Variants in EBPL observed in about 807,000 individuals in gnomAD.
The protein encoded by EBPL is EBP like.
In EBPL, 20 loss-of-function variants were observed where a neutral mutation model predicts 19.0. The ratio of observed to expected loss-of-function variants is 1.05; its 90% CI spans 0.74 to 1.53. EBPL has a LOEUF of 1.53. EBPL is among the 40% of genes most tolerant of loss of function. The probability of loss-of-function intolerance (pLI) is 0.00; values close to 1 mark genes in which losing one functional copy is unlikely to be tolerated. For synonymous variants in EBPL, 107 were observed against 117.0 expected, an observed-to-expected ratio of 0.91 and a Z score of 0.55; for missense variants, 219 against 261.1, an observed-to-expected ratio of 0.84 and a Z score of 1.11.
At chr13:49,683,516 G>A (rs1051338244) in intron 1 of EBPL, among the ~76,000 whole-genome samples, 6 of 150,808 alleles carry the variant, frequency 4.0e-5, no homozygotes, top group Admixed American at 6.6e-5. Context: ...ACCAGAGAGC[G>A]AGACTCTGTC....
rs145953849 is a variant in EBPL at position 49,676,973 on chromosome 13, G to A, written c.172-7127C>T. Among the ~76,000 whole-genome samples, 351 of 152,172 alleles carry A rather than the reference G, an allele frequency of 2.3e-3. 1 individual carries two copies. The highest frequency in any genetic ancestry group is 7.9e-3 in the African/African-American group (329 of 41,516). On this transcript the variant is annotated intron_variant, in intron 1 of 3. Transcript: ENST00000242827. ...GAGGTGTGACTTGCAAAAGTCCTTT[G>A]TTGAAACATTCAGTATATTAAAAAA... is the stretch of plus-strand genomic sequence containing the variant.
chr13:49,663,430 A>G (rs1965178043), intron 2 of EBPL, among the ~76,000 whole-genome samples: 1 of 152,204 alleles, frequency 6.6e-6, no homozygotes. Context: ...TTCAGTTTCC[A>G]GCATGCTTTC....
chr13:49,678,965 TCG>T (rs1487106226), intron 1 of EBPL, among the ~76,000 whole-genome samples: 1 of 142,760 alleles, frequency 7.0e-6, no homozygotes, highest in Admixed American at 7.2e-5. Context: ...TGAGTCAAGA[TCG>T]TGTGTGTCTG....
At chr13:49,686,535 T>G in intron 1 of EBPL, 1 of 1,289,756 alleles carries the variant, frequency 7.8e-7, no homozygotes, top group South Asian at 1.2e-5. Flanking sequence ...TTCTTGAAAT[T>G]CCATTCTGTG....
At chr13:49,690,131 C>T (rs1954044471) in intron 1 of EBPL, among the ~76,000 whole-genome samples, 1 of 129,726 alleles carries the variant, frequency 7.7e-6, no homozygotes, top group Non-Finnish European at 1.6e-5. Context: ...GCCTGGGCAA[C>T]AGTGTTAGAC....
At chr13:49,685,605 T>C (rs1339112185) in intron 1 of EBPL, among the ~76,000 whole-genome samples, 2 of 152,198 alleles carry the variant, frequency 1.3e-5, no homozygotes, top group Non-Finnish European at 2.9e-5. Context: ...CTGGTCATGG[T>C]GGCTCACGCC....
intron 1 of EBPL, among the ~76,000 whole-genome samples, chr13:49,676,545 T>C (rs961519920): frequency 5.3e-5 from 8 of 151,948 alleles, no homozygotes; most frequent in African/African-American, 1.9e-4. Context: ...TGAGCCCAGA[T>C]CATACCACTG....
At chr13:49,663,297 C>T (rs1273424632) in intron 2 of EBPL, 102 bp from the exon 3 acceptor site, 37 of 1,430,268 alleles carry the variant, frequency 2.6e-5, no homozygotes, top group Admixed American at 3.6e-5. Context: ...AATGAGTAAT[C>T]GCCACTCTCT....
At position 49,679,384 on chromosome 13, in the gene EBPL, G is replaced by T. The variant is rs547541852; in HGVS notation, c.172-9538C>A. On this transcript the variant is annotated intron_variant, in intron 1 of 3. Coordinates refer to ENST00000242827, the MANE Select transcript of EBPL (RefSeq NM_032565.5). ...ACAAGCACTGAGGATCTAAGGATCAGATGAAAGGTGCCTGGTCAACAGCAA... is the reference window on the plus strand; with the variant it reads ...ACAAGCACTGAGGATCTAAGGATCATATGAAAGGTGCCTGGTCAACAGCAA... Among the ~76,000 whole-genome samples the T allele has an allele frequency of 3.8e-3, 572 of 152,352 alleles. 2 individuals are homozygous for T. The highest frequency in any genetic ancestry group is 6.2e-3 in the Non-Finnish European group (419 of 68,032).
At chr13:49,686,475 C>G (rs1260522854) in intron 1 of EBPL, 1 of 1,286,756 alleles carries the variant, frequency 7.8e-7, no homozygotes, top group Non-Finnish European at 1.0e-6. Flanking sequence ...GGTGCCTCAC[C>G]TTTTATTTTC....
chr13:49,675,878 GT>G (rs11395508), intron 1 of EBPL, among the ~76,000 whole-genome samples: 54 of 146,012 alleles, frequency 3.7e-4, no homozygotes, highest in African/African-American at 9.4e-4. Context: ...TGTTGTTATT[GT>G]TTTTTTTTTT....
chr13:49,675,780 C>T (rs1953869000), intron 1 of EBPL, among the ~76,000 whole-genome samples: 1 of 152,136 alleles, frequency 6.6e-6, no homozygotes, highest in South Asian at 2.1e-4. Flanking sequence ...CTGCTTTCTG[C>T]AGCGCTGGCA....
chr13:49,684,239 G>GA (rs1246195171), intron 1 of EBPL, among the ~76,000 whole-genome samples: 2 of 152,310 alleles, frequency 1.3e-5, no homozygotes, highest in Admixed American at 1.3e-4. Flanking sequence ...ACTGTACACA[G>GA]AATGGGTTTT....
At chr13:49,685,951 T>C (rs1594417714) in intron 1 of EBPL, among the ~76,000 whole-genome samples, 1 of 151,258 alleles carries the variant, frequency 6.6e-6, no homozygotes, top group African/African-American at 2.4e-5. Flanking sequence ...TGGAGAAGGG[T>C]AATGCCCAGC....
At position 49,691,419 on chromosome 13, in the gene EBPL, G is replaced by A; in HGVS notation, c.6C>T (p.Gly2=). M[G]AEWELGAEAG... is the part of the protein sequence containing the mutation. ...CCTCGGCCCCCAGCTCCCACTCAGCGCCCATGCTTCAGGCTTCCGACGCCA... is the reference window on the plus strand; with the variant it reads ...CCTCGGCCCCCAGCTCCCACTCAGCACCCATGCTTCAGGCTTCCGACGCCA... The change falls in exon 1 of 4, where the codon GGC becomes GGT. Residue 2 remains glycine, a synonymous_variant. Coordinates refer to ENST00000242827, the MANE Select transcript of EBPL (RefSeq NM_032565.5). 7.5e-7 allele frequency: 1 copy of A among 1,341,114 alleles called. No individual in the cohort carries two copies. Among genetic ancestry groups the A allele is most frequent in the Non-Finnish European group, 9.5e-7 (1 of 1,047,894 alleles). The allele number at this position is 1,341,114 out of a possible 1,614,324, so 83.1% of individuals were successfully genotyped here.
chr13:49,666,817 A>G (rs571285651), intron 2 of EBPL, among the ~76,000 whole-genome samples: 32 of 149,212 alleles, frequency 2.1e-4, no homozygotes, highest in Middle Eastern at 3.6e-3. Flanking sequence ...TTGAACTGGG[A>G]GGCAGAGGTT....
At chr13:49,676,847 T>C (rs1038332579) in intron 1 of EBPL, among the ~76,000 whole-genome samples, 1 of 152,202 alleles carries the variant, frequency 6.6e-6, no homozygotes, top group Non-Finnish European at 1.5e-5. Flanking sequence ...TTCTCCAGAC[T>C]TTCCACAGCT....
Position 49,660,906 on chromosome 13 carries a change from C to T in EBPL, c.*62G>A, listed in dbSNP as rs375093022. The T allele has an allele frequency of 1.4e-6, 2 of 1,450,880 alleles. No homozygotes were observed. The highest frequency in any genetic ancestry group is 9.5e-7 in the Non-Finnish European group (1 of 1,058,060). The allele number at this position is 1,450,880 out of a possible 1,614,324, so 89.9% of individuals were successfully genotyped here. A position where few individuals can be genotyped will look rare whatever the true frequency, so the allele number is the denominator to read the frequency against. ...TGGAATGTATTACATTTTGGCCAAA[C>T]AAAAAGATTTGATTCATTCTGGTTC... On this transcript the variant is annotated 3_prime_UTR_variant, in exon 4 of 4. Transcript: ENST00000242827.
intron 2 of EBPL, among the ~76,000 whole-genome samples, chr13:49,666,226 A>C (rs1965225669): frequency 6.6e-6 from 1 of 152,184 alleles, no homozygotes; most frequent in Non-Finnish European, 1.5e-5. Flanking sequence ...TTCCACAGGC[A>C]GACTGGTGGG....
Sources: allele counts gnomAD v4.1 joint callset (sites outside exome capture counted in the v4.1 genomes callset), GRCh38; gene constraint gnomAD v4.1.1; transcripts MANE v1.5; gene names NCBI Gene and HGNC (gene_info 2026-07-23, HGNC 2026-07-21).